The following PCBP3 variants were observed in gnomAD, a reference collection of about 807,000 sequenced individuals.
The protein encoded by PCBP3 is poly(rC)-binding protein 3.
PCBP3 carries 25 observed loss-of-function variants against 52.7 expected under a neutral mutation model. The observed-to-expected ratio is 0.47, with a 90% CI of 0.35 to 0.66. PCBP3 has a LOEUF of 0.66. Ranked by LOEUF, PCBP3 falls within the 30% of genes least tolerant of loss-of-function variation. The probability of loss-of-function intolerance (pLI) is 0.01; values close to 1 mark genes in which losing one functional copy is unlikely to be tolerated. For synonymous variants in PCBP3, 162 were observed against 183.0 expected (o/e 0.89, Z 0.93); for missense variants, 391 against 490.3 (o/e 0.80, Z 1.91).
intron 4 of PCBP3, among the ~76,000 whole-genome samples, chr21:45,846,193 A>T (rs1045106323): frequency 2.0e-5 from 3 of 152,206 alleles, no homozygotes; most frequent in Admixed American, 2.0e-4. Flanking sequence ...TTACCAATTT[A>T]GGGACTTGTT....
intron 2 of PCBP3, among the ~76,000 whole-genome samples, chr21:45,685,137 A>G (rs1434288258): frequency 6.6e-6 from 1 of 152,260 alleles, no homozygotes; most frequent in Non-Finnish European, 1.5e-5. Flanking sequence ...GAAATAAGCC[A>G]GTCATAAAAG....
chr21:45,822,018 T>C (rs748651369), intron 4 of PCBP3, among the ~76,000 whole-genome samples: 1 of 152,220 alleles, frequency 6.6e-6, no homozygotes. Flanking sequence ...ATATTCCACA[T>C]GCTCATCCTC....
intron 5 of PCBP3, among the ~76,000 whole-genome samples, chr21:45,888,418 G>C (rs911614750): frequency 6.6e-6 from 1 of 152,206 alleles, no homozygotes; most frequent in Non-Finnish European, 1.5e-5. Flanking sequence ...GGTGGGAACC[G>C]GGGCTAGAGC....
intron 2 of PCBP3, among the ~76,000 whole-genome samples, chr21:45,729,182 C>A (rs781269895): frequency 2.6e-5 from 4 of 152,216 alleles, no homozygotes; most frequent in South Asian, 2.1e-4. Flanking sequence ...TAACCTTTTA[C>A]GTCTGGGTTC....
intron 2 of PCBP3, among the ~76,000 whole-genome samples, chr21:45,733,632 G>C (rs1735317029): frequency 6.6e-6 from 1 of 151,674 alleles, no homozygotes; most frequent in African/African-American, 2.4e-5. Flanking sequence ...ATGGAGTCTA[G>C]CTCTGTCACC....
chr21:45,938,930 T>G (rs530688715), intron 16 of PCBP3, among the ~76,000 whole-genome samples: 7 of 152,328 alleles, frequency 4.6e-5, no homozygotes, highest in Admixed American at 1.3e-4. Flanking sequence ...CTGAGCCCCT[T>G]CACGCTTGCA....
At chr21:45,687,208 A>G (rs1438217629) in intron 2 of PCBP3, among the ~76,000 whole-genome samples, 1 of 152,218 alleles carries the variant, frequency 6.6e-6, no homozygotes. Context: ...GCTAAAAGAA[A>G]GACTGTCAAC....
At chr21:45,654,450 C>T (rs555402139) in intron 1 of PCBP3, among the ~76,000 whole-genome samples, 6 of 149,814 alleles carry the variant, frequency 4.0e-5, no homozygotes, top group Non-Finnish European at 8.9e-5. Context: ...AAGTGATTCT[C>T]CTGCCTCAGC....
In PCBP3 at chr21:45,884,687, A is replaced by G. The variant is rs1027621884; in HGVS notation, c.11-11521A>G. Among the ~76,000 whole-genome samples the G allele has an allele frequency of 3.9e-5, 6 of 152,026 alleles. No homozygotes were observed. In the East Asian group the frequency reaches 7.7e-4, roughly 20 times the overall value. Reference sequence around the variant, plus strand: ...GCCGTCCTCCCACCTCAGCCTCCCCAGTAGCTGGGACCACAGACAGGCACC... The same window carrying G: ...GCCGTCCTCCCACCTCAGCCTCCCCGGTAGCTGGGACCACAGACAGGCACC... On this transcript the variant is annotated intron_variant, in intron 5 of 17. Coordinates refer to ENST00000681687, the MANE Select transcript of PCBP3 (RefSeq NM_001384156.1).
chr21:45,659,423 G>C (rs2080239999), intron 1 of PCBP3, among the ~76,000 whole-genome samples: 1 of 140,930 alleles, frequency 7.1e-6, no homozygotes, highest in Admixed American at 7.7e-5. Context: ...ACTCACTGCA[G>C]CCTCAACTTT....
At chr21:45,697,278 A>G (rs1033926024) in intron 2 of PCBP3, among the ~76,000 whole-genome samples, 2 of 152,270 alleles carry the variant, frequency 1.3e-5, no homozygotes, top group African/African-American at 4.8e-5. Flanking sequence ...TAAACAAACA[A>G]GCAAATTATG....
At chr21:45,891,787 C>T (rs2095668911) in intron 5 of PCBP3, among the ~76,000 whole-genome samples, 1 of 152,234 alleles carries the variant, frequency 6.6e-6, no homozygotes, top group South Asian at 2.1e-4. Context: ...TGCCACTGCA[C>T]GGGGCCATCA....
At chr21:45,764,568 T>C (rs2081503576) in intron 4 of PCBP3, among the ~76,000 whole-genome samples, 1 of 152,182 alleles carries the variant, frequency 6.6e-6, no homozygotes, top group African/African-American at 2.4e-5. Flanking sequence ...CCATGGAGCC[T>C]CTCTCAGAAA....
intron 16 of PCBP3, among the ~76,000 whole-genome samples, chr21:45,936,909 CT>C (rs1228221642): frequency 6.6e-6 from 1 of 152,206 alleles, no homozygotes; most frequent in Non-Finnish European, 1.5e-5. Flanking sequence ...AGACCCACTT[CT>C]CAGAAGGAAG....
At chr21:45,691,827 A>C (rs181154816) in intron 2 of PCBP3, among the ~76,000 whole-genome samples, 114 of 152,258 alleles carry the variant, frequency 7.5e-4, no homozygotes, top group African/African-American at 2.7e-3. Context: ...TCAAGGTACT[A>C]CTATAATTGA....
intron 1 of PCBP3, among the ~76,000 whole-genome samples, chr21:45,662,743 C>G (rs777443300): frequency 3.3e-5 from 5 of 152,038 alleles, no homozygotes; most frequent in African/African-American, 7.2e-5. Flanking sequence ...TGAGAAGTGA[C>G]CAGAAGACAA....
chr21:45,648,499 C>T (rs771027717), intron 1 of PCBP3, among the ~76,000 whole-genome samples: 1 of 152,170 alleles, frequency 6.6e-6, no homozygotes, highest in Non-Finnish European at 1.5e-5. Flanking sequence ...TTGCCGTGTC[C>T]CACTGGGTCA....
At chr21:45,695,037 C>T (rs2082687502) in intron 2 of PCBP3, among the ~76,000 whole-genome samples, 1 of 152,090 alleles carries the variant, frequency 6.6e-6, no homozygotes. Context: ...TGGAGGATCT[C>T]CACCAGCCAT....
At chr21:45,797,691 C>CTGGATAGAT (rs1459086734) in intron 4 of PCBP3, among the ~76,000 whole-genome samples, 131 of 6,028 alleles carry the variant, frequency 0.022, no homozygotes, top group East Asian at 0.053. Flanking sequence ...CATAGATGGA[C>CTGGATAGAT]GAGTGCATGG....
Sources: allele counts gnomAD v4.1 joint callset (sites outside exome capture counted in the v4.1 genomes callset), GRCh38; gene constraint gnomAD v4.1.1; transcripts MANE v1.5; gene names NCBI Gene and HGNC (gene_info 2026-07-23, HGNC 2026-07-21).